Variants in SSBP2 observed in about 807,000 individuals in gnomAD.
The protein encoded by SSBP2 is single stranded DNA binding protein 2.
SSBP2 carries 17 observed loss-of-function variants against 61.8 expected under a neutral mutation model. The ratio of observed to expected loss-of-function variants is 0.28; its 90% confidence interval spans 0.19 to 0.41. The LOEUF (loss-of-function observed/expected upper bound fraction) is 0.41, where lower values mean the gene tolerates loss of function less well. Among genes scored for constraint, SSBP2 ranks in the 10% least tolerant of loss-of-function variants. The pLI, the probability that SSBP2 is intolerant of heterozygous loss-of-function variation, is 1.00. For missense variants in SSBP2, 310 were observed against 458.7 expected (o/e 0.68, Z 2.96); for synonymous variants, 139 against 141.3 (o/e 0.98, Z 0.12).
In SSBP2 at chr5:81,414,442, G is replaced by A. The variant is rs938160559; in HGVS notation, c.*6062C>T. On this transcript the variant is annotated 3_prime_UTR_variant, in exon 17 of 17. Coordinates refer to ENST00000320672, the MANE Select transcript of SSBP2 (RefSeq NM_012446.5). ...ATTGAACTGAGGATTTCACTTCATA[G>A]TTTAAAAAAGTAAACAGGTCTCAGG... is the stretch of plus-strand genomic sequence containing the variant. The A allele has an allele frequency of 2.6e-5, 4 of 152,120 alleles. No homozygotes were observed. The highest frequency in any genetic ancestry group is 9.7e-5 in the African/African-American group (4 of 41,432). 9.4% of individuals were successfully genotyped at this position (152,120 alleles called of 1,614,324 possible). A position where few individuals can be genotyped will look rare whatever the true frequency, so the allele number is the denominator to read the frequency against.
chr5:81,736,178 ACACACACACACTCT>A (rs1756605639), intron 1 of SSBP2, among the ~76,000 whole-genome samples: 1 of 131,570 alleles, frequency 7.6e-6, no homozygotes, highest in Non-Finnish European at 1.6e-5. Flanking sequence ...ACACACACAC[ACACACACACACTCT>A]ACGGCACTAC....
chr5:81,562,098 G>GT (rs1773089848), intron 4 of SSBP2, among the ~76,000 whole-genome samples: 1 of 151,766 alleles, frequency 6.6e-6, no homozygotes. Flanking sequence ...TAGAGATGGG[G>GT]TTTTGCCATG....
rs201021630 is a variant in SSBP2, at chr5:81,553,766, T to TA, written c.283-40050dup. 9.2e-5 allele frequency among the ~76,000 whole-genome samples: 14 copies of TA among 152,300 alleles called. 1 individual carries two copies. In the East Asian group the frequency reaches 2.7e-3, roughly 29 times the overall value. ...TCAGCAGAACAATTTACAATGTATT[T>TA]ACTTTTTATACAAGTGAACTAAATG... On this transcript the variant is annotated intron_variant, in intron 4 of 16. Coordinates refer to ENST00000320672, the MANE Select transcript of SSBP2 (RefSeq NM_012446.5).
intron 11 of SSBP2, among the ~76,000 whole-genome samples, chr5:81,447,680 C>T (rs1041282061): frequency 2.6e-5 from 4 of 152,078 alleles, no homozygotes; most frequent in African/African-American, 7.2e-5. Context: ...CAGACGAGAT[C>T]GGGCACATTC....
intron 10 of SSBP2, among the ~76,000 whole-genome samples, chr5:81,459,575 T>C (rs1023318037): frequency 1.3e-5 from 2 of 152,230 alleles, no homozygotes; most frequent in African/African-American, 4.8e-5. Context: ...GTTGTGCTTT[T>C]CCATCTAGCT....
Position 81,534,391 on chromosome 5 carries a change from G to C in SSBP2, c.283-20674C>G, listed in dbSNP as rs540533806. ...AAGCACCAGAATCAGACTCAGATAA[G>C]GGAGCGATGTTGGAATATCAGACTG... On this transcript the variant is annotated intron_variant, in intron 4 of 16. Coordinates refer to ENST00000320672, the MANE Select transcript of SSBP2 (RefSeq NM_012446.5). Among the ~76,000 whole-genome samples, 41 of 152,220 alleles carry C rather than the reference G, an allele frequency of 2.7e-4. No individual in the cohort carries two copies. In the South Asian group the frequency reaches 6.0e-3, roughly 22 times the overall value.
chr5:81,441,692 A>G (rs188178597), intron 13 of SSBP2, among the ~76,000 whole-genome samples: 11 of 152,340 alleles, frequency 7.2e-5, no homozygotes, highest in African/African-American at 2.4e-4. Context: ...TACAAACCAC[A>G]TGCTTATAAA....
chr5:81,715,652 T>C (rs1755120693), intron 1 of SSBP2, among the ~76,000 whole-genome samples: 1 of 152,192 alleles, frequency 6.6e-6, no homozygotes, highest in Non-Finnish European at 1.5e-5. Flanking sequence ...GGCAAAACTA[T>C]AAATAGCATT....
At chr5:81,692,796 A>G (rs1484772669) in intron 1 of SSBP2, among the ~76,000 whole-genome samples, 2 of 152,230 alleles carry the variant, frequency 1.3e-5, no homozygotes, top group Non-Finnish European at 2.9e-5. Flanking sequence ...GGAAAACTGG[A>G]TATTTATATG....
chr5:81,740,080 A>G (rs1561747952), intron 1 of SSBP2, among the ~76,000 whole-genome samples: 1 of 152,306 alleles, frequency 6.6e-6, no homozygotes, highest in South Asian at 2.1e-4. Flanking sequence ...TGAATTCGTA[A>G]GTCCAACTCA....
intron 3 of SSBP2, among the ~76,000 whole-genome samples, chr5:81,626,971 A>C (rs1311158432): frequency 1.3e-5 from 2 of 152,246 alleles, no homozygotes; most frequent in Non-Finnish European, 2.9e-5. Flanking sequence ...TTATGTAAAA[A>C]GAGAAAATAA....
intron 1 of SSBP2, among the ~76,000 whole-genome samples, chr5:81,721,657 T>C (rs1402488834): frequency 6.6e-6 from 1 of 152,110 alleles, no homozygotes; most frequent in Non-Finnish European, 1.5e-5. Context: ...TTTTCAAAAA[T>C]TGGCAATCAA....
intron 1 of SSBP2, among the ~76,000 whole-genome samples, chr5:81,670,319 A>G (rs897652941): frequency 3.9e-5 from 6 of 152,178 alleles, no homozygotes; most frequent in Non-Finnish European, 7.3e-5. Context: ...TGTGAACCTA[A>G]AAGTTAAAAT....
At chr5:81,503,516 C>T (rs1467681612) in intron 5 of SSBP2, among the ~76,000 whole-genome samples, 1 of 152,116 alleles carries the variant, frequency 6.6e-6, no homozygotes. Context: ...AAAAGGAACA[C>T]TTACACCCTG....
intron 1 of SSBP2, among the ~76,000 whole-genome samples, chr5:81,711,990 C>T (rs184165614): frequency 6.6e-6 from 1 of 151,728 alleles, no homozygotes; most frequent in African/African-American, 2.4e-5. Flanking sequence ...GCTATTTAAG[C>T]TATTTTTATT....
intron 4 of SSBP2, among the ~76,000 whole-genome samples, chr5:81,587,565 A>G (rs1357520570): frequency 2.6e-5 from 4 of 152,014 alleles, no homozygotes; most frequent in African/African-American, 9.7e-5. Context: ...CCTCAACTCT[A>G]CTGAAAATAC....
intron 1 of SSBP2, chr5:81,710,549 A>G (rs1047951266): frequency 2.0e-5 from 7 of 347,590 alleles, no homozygotes; most frequent in African/African-American, 1.5e-4. Flanking sequence ...GCCAAAGTAT[A>G]ATATGAGGGG....
At chr5:81,607,703 C>T (rs1745014823) in intron 4 of SSBP2, among the ~76,000 whole-genome samples, 1 of 152,118 alleles carries the variant, frequency 6.6e-6, no homozygotes, top group Non-Finnish European at 1.5e-5. Flanking sequence ...TTATACAATA[C>T]TTGACTACTT....
chr5:81,749,683 G>A (rs1278489982), intron 1 of SSBP2, among the ~76,000 whole-genome samples: 1 of 151,858 alleles, frequency 6.6e-6, no homozygotes, highest in Non-Finnish European at 1.5e-5. Flanking sequence ...AAAAGGGGGG[G>A]GTTCTTCCTC....
Sources: gnomAD v4.1 joint callset for allele counts (sites outside exome capture counted in the v4.1 genomes callset) on GRCh38, gnomAD v4.1.1 for gene constraint, MANE v1.5 for transcripts, NCBI Gene and HGNC (gene_info 2026-07-23, HGNC 2026-07-21) for gene names.